The following MED10 variants were observed in gnomAD, a reference collection of about 807,000 sequenced individuals.
MED10 encodes mediator of RNA polymerase II transcription subunit 10.
Under a neutral mutation model 17.2 loss-of-function variants are expected in MED10, and 9 were observed. The ratio of observed to expected loss-of-function variants is 0.52; its 90% CI spans 0.31 to 0.91. The LOEUF (loss-of-function observed/expected upper bound fraction) is 0.91. Ranked by LOEUF, MED10 falls within the 40% of genes least tolerant of loss-of-function variation. The pLI is 0.04. For synonymous variants in MED10, 66 were observed against 59.8 expected (o/e 1.10, Z -0.48); for missense variants, 129 against 164.8 (o/e 0.78, Z 1.19).
At chr5:6,374,559 A>G (rs1579253495) in intron 2 of MED10, 133 bp from the exon 3 acceptor site, 2 of 658,058 alleles carry the variant, frequency 3.0e-6, no homozygotes, top group East Asian at 2.7e-5. Flanking sequence ...AACTCAGTGT[A>G]GGAACCAGGG....
At chr5:6,377,888 C>G (rs1738033137) in intron 1 of MED10, among the ~76,000 whole-genome samples, 1 of 152,232 alleles carries the variant, frequency 6.6e-6, no homozygotes, top group Admixed American at 6.5e-5. Context: ...CACCTCCCCG[C>G]TATTTCCTCC....
chr5:6,373,362 A>T (rs1319095681), intron 3 of MED10, among the ~76,000 whole-genome samples: 1 of 152,178 alleles, frequency 6.6e-6, no homozygotes, highest in Non-Finnish European at 1.5e-5. Context: ...GTCCTCTGTG[A>T]TCCTGGAGCT....
chr5:6,377,154 A>C lies in MED10; in HGVS notation c.206+12T>G. 6.4e-7 allele frequency: 1 copy of C among 1,571,874 alleles called. No homozygotes were observed. The highest frequency in any genetic ancestry group is 8.7e-7 in the Non-Finnish European group (1 of 1,146,442). ...ATTTATACCCAAGACTAATATCAAG[A>C]ATGTTACTTACTCAAAAACTTCTAA... On this transcript the variant is annotated intron_variant, in intron 2 of 3. Transcript: ENST00000255764.
In MED10 at chr5:6,372,473, G is replaced by A. The variant is rs550515024; in HGVS notation, c.*30C>T. 1.3e-4 allele frequency: 209 copies of A among 1,595,794 alleles called. 1 individual carries two copies. In the East Asian group the frequency reaches 4.2e-3, roughly 32 times the overall value. On this transcript the variant is annotated 3_prime_UTR_variant, in exon 4 of 4. Coordinates refer to ENST00000255764, the MANE Select transcript of MED10 (RefSeq NM_032286.3). Reference sequence around the variant, plus strand: ...AGCCTCACGCCGCATCGCAGTCCCAGGGGATCTTCACACAGGGAGGGTGAG... The same window carrying A: ...AGCCTCACGCCGCATCGCAGTCCCAAGGGATCTTCACACAGGGAGGGTGAG...
intron 3 of MED10, among the ~76,000 whole-genome samples, chr5:6,373,582 A>G (rs1400560917): frequency 6.6e-6 from 1 of 152,088 alleles, no homozygotes; most frequent in Non-Finnish European, 1.5e-5. Context: ...AGAAAAGAAC[A>G]CGAACGAAAG....
At chr5:6,377,415 G>T (rs772948754) in intron 1 of MED10, among the ~76,000 whole-genome samples, 166 bp from the exon 2 acceptor site, 6 of 152,162 alleles carry the variant, frequency 3.9e-5, no homozygotes, top group Non-Finnish European at 8.8e-5. Flanking sequence ...AGGATTCCTA[G>T]GACACCGTTA....
intron 2 of MED10, 50 bp from the exon 3 acceptor site, chr5:6,374,476 C>T: frequency 7.7e-7 from 1 of 1,296,192 alleles, no homozygotes; most frequent in East Asian, 2.3e-5. Context: ...GACACCTATT[C>T]TCACAGCTTT....
At position 6,378,462 on chromosome 5, in the gene MED10, G is replaced by A. The variant is rs964737555; in HGVS notation, c.22C>T (p.Leu8=). The A allele has an allele frequency of 1.2e-6, 2 of 1,613,130 alleles. No individual in the cohort carries two copies. Among genetic ancestry groups the A allele is most frequent in the African/African-American group, 2.7e-5 (2 of 74,924 alleles). Residue 8 remains leucine (L), a synonymous_variant, in exon 1 of 4, where the codon CTA becomes TTA. Coordinates refer to ENST00000255764, the MANE Select transcript of MED10 (RefSeq NM_032286.3). ...ACGAACTTCTCCAGGTGCTCCTCTAGGTGGTCAAACTTCTCCGCCATCGCC... is the reference window on the plus strand; with the variant it reads ...ACGAACTTCTCCAGGTGCTCCTCTAAGTGGTCAAACTTCTCCGCCATCGCC... The part of the protein sequence containing the change: MAEKFDH[L]EEHLEKFVEN...
intron 1 of MED10, among the ~76,000 whole-genome samples, chr5:6,377,627 T>A (rs1476619156): frequency 6.6e-6 from 1 of 152,202 alleles, no homozygotes; most frequent in Non-Finnish European, 1.5e-5. Flanking sequence ...AAGAAAGCCA[T>A]ACTGTCTGGT....
Position 6,374,422 on chromosome 5 carries a change from T to C in MED10, c.211A>G (p.Ile71Val). 1.2e-6 allele frequency: 2 copies of C among 1,603,462 alleles called. No homozygotes were observed. Among genetic ancestry groups the C allele is most frequent in the East Asian group, 2.2e-5 (1 of 44,726 alleles). Reference sequence around the variant, plus strand: ...AGCTGGGGATTTCGACCTTGATCTATATATCTGGAAACACGATATATTTCA... The same window carrying C: ...AGCTGGGGATTTCGACCTTGATCTACATATCTGGAAACACGATATATTTCA... ...ITVPLEVFEYIDQGRNPQLYT... is the reference protein window; with the variant it reads ...ITVPLEVFEYVDQGRNPQLYT... Residue 71 changes from isoleucine to valine, a missense_variant, in exon 3 of 4, where the codon ATA becomes GTA. Ile to Val is a conservative substitution (Grantham distance 29). Coordinates refer to ENST00000255764, the MANE Select transcript of MED10 (RefSeq NM_032286.3).
At chr5:6,375,105 A>G (rs1737964747) in intron 2 of MED10, among the ~76,000 whole-genome samples, 1 of 152,224 alleles carries the variant, frequency 6.6e-6, no homozygotes, top group Non-Finnish European at 1.5e-5. Flanking sequence ...TCTAAACAGT[A>G]TAAAACTGTT....
chr5:6,377,078 C>T (rs1325344168), intron 2 of MED10, 88 bp downstream of exon 2: 4 of 820,984 alleles, frequency 4.9e-6, no homozygotes, highest in Non-Finnish European at 7.5e-6. Context: ...ACAGCAGGCA[C>T]TCGAATGCCA....
intron 3 of MED10, among the ~76,000 whole-genome samples, chr5:6,373,523 G>A (rs1173169156): frequency 2.0e-5 from 3 of 152,216 alleles, no homozygotes; most frequent in Admixed American, 1.3e-4. Context: ...GGATAGAGTC[G>A]CTTGTGCAAA....
At position 6,372,226 on chromosome 5, in the gene MED10, C is replaced by G. The variant is rs1444127410; in HGVS notation, c.*277G>C. 8 of 378,696 alleles carry G rather than the reference C, an allele frequency of 2.1e-5. No individual in the cohort carries two copies. The highest frequency in any genetic ancestry group is 3.8e-5 in the Non-Finnish European group (8 of 212,364). The allele number at this position is 378,696 out of a possible 1,614,324, so 23.5% of individuals were successfully genotyped here. A position where few individuals can be genotyped will look rare whatever the true frequency, so the allele number is the denominator to read the frequency against. On this transcript the variant is annotated 3_prime_UTR_variant, in exon 4 of 4. Coordinates refer to ENST00000255764, the MANE Select transcript of MED10 (RefSeq NM_032286.3). ...CATTTCCAAGACTATTTTCCTGCGC[C>G]TCATCTGCCCTCAGAGAGAATGATC...
At chr5:6,372,651 TA>T (rs1360420096) in intron 3 of MED10, 50 bp from the exon 4 acceptor site, 15 of 1,450,312 alleles carry the variant, frequency 1.0e-5, no homozygotes, top group Non-Finnish European at 1.5e-5. Flanking sequence ...AACACTCCAA[TA>T]ACTATTTAAA....
Position 6,372,470 on chromosome 5 carries a change from C to T in MED10, c.*33G>A. The T allele has an allele frequency of 6.3e-7, 1 of 1,590,064 alleles. No individual in the cohort carries two copies. ...CCCAGCCTCACGCCGCATCGCAGTC[C>T]CAGGGGATCTTCACACAGGGAGGGT... On this transcript the variant is annotated 3_prime_UTR_variant, in exon 4 of 4. Transcript: ENST00000255764.
chr5:6,372,533 G>A lies in MED10; in HGVS notation c.378C>T (p.Ser126=). The change falls in exon 4 of 4, where the codon AGC becomes AGT. Residue 126 remains serine, a synonymous_variant. Transcript: ENST00000255764. ...VFPEDMAKYR[S]IRGEDHPPS is the part of the protein sequence containing the mutation. ...AAGGCGGGTGATCCTCCCCCCGGAT[G>A]CTTCGATACTTAGCCATGTCTTCCG... The A allele has an allele frequency of 6.2e-7, 1 of 1,614,196 alleles. No homozygotes were observed. The highest frequency in any genetic ancestry group is 8.5e-7 in the Non-Finnish European group (1 of 1,180,028).
Position 6,374,442 on chromosome 5 carries a change from A to G in MED10, c.207-16T>C. Reference sequence around the variant, plus strand: ...ATCTATATATCTGGAAACACGATATATTTCAATTAGCATTCTCATGACTGA... The same window carrying G: ...ATCTATATATCTGGAAACACGATATGTTTCAATTAGCATTCTCATGACTGA... On this transcript the variant is annotated splice_polypyrimidine_tract_variant and intron_variant, in intron 2 of 3. Coordinates refer to ENST00000255764, the MANE Select transcript of MED10 (RefSeq NM_032286.3). The G allele has an allele frequency of 2.6e-6, 4 of 1,535,610 alleles. No individual in the cohort carries two copies. Among genetic ancestry groups the G allele is most frequent in the Non-Finnish European group, 3.6e-6 (4 of 1,108,482 alleles).
rs775103220 is a variant in MED10, at chr5:6,377,260, G to C, written c.123-11C>G. The C allele has an allele frequency of 5.6e-5, 90 of 1,601,846 alleles. No homozygotes were observed. The South Asian group carries it at 9.5e-4, about 17-fold the overall frequency. Reference sequence around the variant, plus strand: ...GTAACAATAAAATTCCTGGGGGAAAGGCAAACACACAGGCATCTGGTTAAT... The same window carrying C: ...GTAACAATAAAATTCCTGGGGGAAACGCAAACACACAGGCATCTGGTTAAT... On this transcript the variant is annotated splice_polypyrimidine_tract_variant and intron_variant, in intron 1 of 3. Coordinates refer to ENST00000255764, the MANE Select transcript of MED10 (RefSeq NM_032286.3).
Sources: allele counts gnomAD v4.1 joint callset (sites outside exome capture counted in the v4.1 genomes callset), GRCh38; gene constraint gnomAD v4.1.1; transcripts MANE v1.5; gene names NCBI Gene and HGNC (gene_info 2026-07-23, HGNC 2026-07-21).